ZNF460: variants seen among roughly 807,000 people sequenced by gnomAD.
ZNF460 encodes the protein zinc finger protein 272.
ZNF460 carries 1 observed loss-of-function variant against 8.4 expected under a neutral mutation model. That is an observed-to-expected ratio of 0.12 (90% CI 0.04 to 0.56). The LOEUF (loss-of-function observed/expected upper bound fraction) is 0.56. Ranked by LOEUF, ZNF460 falls within the 20% of genes least tolerant of loss-of-function variation. The pLI is 0.91. For synonymous variants in ZNF460, 262 were observed against 259.9 expected, an observed-to-expected ratio of 1.01 and a Z score of -0.08; for missense variants, 477 against 714.8, an observed-to-expected ratio of 0.67 and a Z score of 3.79.
chr19:57,290,670 A>C (rs761949304), intron 2 of ZNF460, 29 bp from the exon 3 acceptor site: 4 of 1,576,136 alleles, frequency 2.5e-6, no homozygotes, highest in Non-Finnish European at 3.4e-6. Flanking sequence ...TATCTTAATA[A>C]GTTCTTTTGT....
In ZNF460 at chr19:57,293,953, T is replaced by C. The variant is rs1307786319; in HGVS notation, c.*1723T>C. On this transcript the variant is annotated 3_prime_UTR_variant, in exon 3 of 3. Coordinates refer to ENST00000360338, the MANE Select transcript of ZNF460 (RefSeq NM_006635.4). ...TTTTTCATGGCTGAGTAGTATTCCA[T>C]TGTGTATATATGCCATGTTTTCTTT... is the stretch of plus-strand genomic sequence containing the variant. 2 of 152,222 alleles carry C rather than the reference T, an allele frequency of 1.3e-5. No individual in the cohort carries two copies. The highest frequency in any genetic ancestry group is 2.4e-5 in the African/African-American group (1 of 41,460). The allele number at this position is 152,222 out of a possible 1,614,324, so 9.4% of individuals were successfully genotyped here. A position where few individuals can be genotyped will look rare whatever the true frequency, so the allele number is the denominator to read the frequency against.
chr19:57,283,118 C>A (rs1044325679), intron 1 of ZNF460, among the ~76,000 whole-genome samples: 7 of 150,934 alleles, frequency 4.6e-5, no homozygotes, highest in Non-Finnish European at 1.5e-5. Flanking sequence ...AATTCAGATG[C>A]TGTGGCCTTT....
chr19:57,290,910 C>A lies in ZNF460; in HGVS notation c.369C>A (p.Ser123Arg). The change falls in exon 3 of 3, where the codon AGC becomes AGA. Residue 123 changes from serine to arginine, a missense_variant. By Grantham distance (110) the Ser-to-Arg change is moderately radical. Transcript: ENST00000360338. Reference sequence around the variant, plus strand: ...GTGAGAAACTCCATGGGAAAATGAGCCTTGAACACGAAGGTTTGGCGACAG... The same window carrying A: ...GTGAGAAACTCCATGGGAAAATGAGACTTGAACACGAAGGTTTGGCGACAG... ...PQSEKLHGKM[S>R]LEHEGLATAD... 1 of 1,614,154 alleles carries A rather than the reference C, an allele frequency of 6.2e-7. No homozygotes were observed. The highest frequency in any genetic ancestry group is 8.5e-7 in the Non-Finnish European group (1 of 1,180,036).
chr19:57,288,640 A>G (rs148098089), intron 2 of ZNF460, among the ~76,000 whole-genome samples: 97 of 152,276 alleles, frequency 6.4e-4, no homozygotes, highest in Middle Eastern at 6.8e-3. Context: ...TTGAACTGAG[A>G]TGTTCTGACT....
chr19:57,283,604 C>T lies in ZNF460; in HGVS notation c.31-947C>T, dbSNP rs147242487. Among the ~76,000 whole-genome samples the T allele has an allele frequency of 2.4e-4, 33 of 139,400 alleles. No homozygotes were observed. In the East Asian group the frequency reaches 7.1e-3, roughly 30 times the overall value. 91.5% of individuals were successfully genotyped at this position (139,400 alleles called of 152,430 possible). A position where few individuals can be genotyped will look rare whatever the true frequency, so the allele number is the denominator to read the frequency against. The stretch of plus-strand genomic sequence containing the variant: ...GCAACCTCTGCCTCCCAGGTTCAAG[C>T]GATTCTCCTGCCTCAGCCTCCCTAG... On this transcript the variant is annotated intron_variant, in intron 1 of 2. Transcript: ENST00000360338.
Position 57,290,917 on chromosome 19 carries a change from C to T in ZNF460, c.376C>T (p.His126Tyr). Residue 126 changes from histidine (H) to tyrosine (Y), a missense_variant, in exon 3 of 3, where the codon CAC becomes TAC. By Grantham distance (83) the His-to-Tyr change is moderately conservative. Transcript: ENST00000360338. The stretch of plus-strand genomic sequence containing the variant: ...ACTCCATGGGAAAATGAGCCTTGAA[C>T]ACGAAGGTTTGGCGACAGCTGATGG... ...EKLHGKMSLEHEGLATADGIC... is the reference protein window; with the variant it reads ...EKLHGKMSLEYEGLATADGIC... 1 of 1,614,200 alleles carries T rather than the reference C, an allele frequency of 6.2e-7. No homozygotes were observed. Among genetic ancestry groups the T allele is most frequent in the Non-Finnish European group, 8.5e-7 (1 of 1,180,042 alleles).
rs1600019632 is a variant in ZNF460, at chr19:57,280,851, T to A, written c.30+15T>A. The stretch of plus-strand genomic sequence containing the variant: ...CTCCGGCGCAGGTGAGTGGACGAGG[T>A]TTCGGCCTTGCTGCTGCTGTGCTAT... On this transcript the variant is annotated intron_variant, in intron 1 of 2. Transcript: ENST00000360338. 26 of 1,614,008 alleles carry A rather than the reference T, an allele frequency of 1.6e-5. No individual in the cohort carries two copies. Among genetic ancestry groups the A allele is most frequent in the Non-Finnish European group, 2.2e-5 (26 of 1,179,976 alleles).
chr19:57,284,811 CT>C, intron 2 of ZNF460, 134 bp downstream of exon 2: 5 of 805,774 alleles, frequency 6.2e-6, no homozygotes, highest in Non-Finnish European at 8.3e-6. Flanking sequence ...AAGCTTTACT[CT>C]ATTTTTTTTT....
chr19:57,286,297 G>A (rs558713018), intron 2 of ZNF460, among the ~76,000 whole-genome samples: 237 of 152,174 alleles, frequency 1.6e-3, no homozygotes, highest in Admixed American at 2.9e-3. Flanking sequence ...TATATCTACT[G>A]TGGTGGTCTG....
In ZNF460 at chr19:57,290,722, G is replaced by A. The variant is rs779449004; in HGVS notation, c.181G>A (p.Val61Ile). ...AGGTGACAGCACAAAACCTGAGACC[G>A]TAGAGCCTATCCCTTCTCATCTGGC... ...ALGDSTKPET[V>I]EPIPSHLALP... is the part of the protein sequence containing the mutation. Residue 61 changes from valine to isoleucine, a missense_variant, in exon 3 of 3, where the codon GTA (valine) becomes ATA (isoleucine). Around this residue, in one of 5 missense-constraint regions of ZNF460, gnomAD observed 169 missense variants for 178.6 expected, o/e 0.95. Transcript: ENST00000360338. 2.2e-5 allele frequency: 35 copies of A among 1,613,756 alleles called. No homozygotes were observed. Among genetic ancestry groups the A allele is most frequent in the African/African-American group, 1.9e-4 (14 of 74,910 alleles).
chr19:57,281,708 GGTGT>G (rs2087841485), intron 1 of ZNF460, among the ~76,000 whole-genome samples: 1 of 151,908 alleles, frequency 6.6e-6, no homozygotes. Flanking sequence ...TGGGACTACA[GGTGT>G]GCGCCACCAC....
Position 57,291,498 on chromosome 19 carries a change from G to A in ZNF460, c.957G>A (p.Glu319=), listed in dbSNP as rs1489340636. 9.9e-6 allele frequency: 16 copies of A among 1,613,806 alleles called. No homozygotes were observed. Among genetic ancestry groups the A allele is most frequent in the Non-Finnish European group, 1.0e-5 (12 of 1,179,924 alleles). ...ACSECGKGFY[E]STALIQHFII... ...GCGAATGTGGAAAAGGCTTTTATGA[G>A]AGTACAGCCCTCATTCAACACTTCA... The change falls in exon 3 of 3, where the codon GAG becomes GAA. Residue 319 remains glutamate (E), a synonymous_variant. Coordinates refer to ENST00000360338, the MANE Select transcript of ZNF460 (RefSeq NM_006635.4). The surrounding 1 kb of genome is among the most constrained non-coding windows in gnomAD (Gnocchi z 8.4).
chr19:57,280,757 C>T lies in ZNF460; in HGVS notation c.-50C>T, dbSNP rs771623210. ...GTGCGAAAGTCAGCCGAGGTCGCCC[C>T]GCCCAGGACAGAGAAGGGCTGTGGT... is the stretch of plus-strand genomic sequence containing the variant. On this transcript the variant is annotated 5_prime_UTR_variant, in exon 1 of 3. Transcript: ENST00000360338. The T allele has an allele frequency of 6.8e-6, 11 of 1,610,980 alleles. No individual in the cohort carries two copies. Among genetic ancestry groups the T allele is most frequent in the South Asian group, 3.3e-5 (3 of 90,726 alleles).
intron 2 of ZNF460, among the ~76,000 whole-genome samples, chr19:57,285,992 CTTAA>C (rs2122888032): frequency 6.6e-6 from 1 of 152,296 alleles, no homozygotes; most frequent in African/African-American, 2.4e-5. Context: ...TCCTCTGTGC[CTTAA>C]TTTTCTTTTT....
chr19:57,293,362 G>A lies in ZNF460; in HGVS notation c.*1132G>A, dbSNP rs548281230. On this transcript the variant is annotated 3_prime_UTR_variant, in exon 3 of 3. Transcript: ENST00000360338. ...AAGGCTGACTATACATAAAGTGACTGGAATTTTAACAGGTGAACCTGCATA... is the reference window on the plus strand; with the variant it reads ...AAGGCTGACTATACATAAAGTGACTAGAATTTTAACAGGTGAACCTGCATA... 6.6e-6 allele frequency: 1 copy of A among 152,264 alleles called. No homozygotes were observed. The highest frequency in any genetic ancestry group is 2.1e-4 in the South Asian group (1 of 4,828). 9.4% of individuals were successfully genotyped at this position (152,264 alleles called of 1,614,324 possible). A position where few individuals can be genotyped will look rare whatever the true frequency, so the allele number is the denominator to read the frequency against.
intron 2 of ZNF460, among the ~76,000 whole-genome samples, chr19:57,286,912 C>T (rs769940294): frequency 6.7e-6 from 1 of 149,586 alleles, no homozygotes; most frequent in Non-Finnish European, 1.5e-5. Context: ...TGCAGTGAGC[C>T]GAGATCGTGC....
rs1463028424 is a variant in ZNF460, at chr19:57,284,583, A to G, written c.63A>G (p.Thr21=). ...TGACCTTCGAGGATGTGGCTGTGAC[A>G]TTTACCCAGGAGGAGTGGGGGCAGT... is the stretch of plus-strand genomic sequence containing the variant. ...ESVTFEDVAV[T]FTQEEWGQLD... is the part of the protein sequence containing the mutation. Residue 21 remains threonine, a synonymous_variant, in exon 2 of 3, where the codon ACA becomes ACG. Coordinates refer to ENST00000360338, the MANE Select transcript of ZNF460 (RefSeq NM_006635.4). 2 of 1,613,124 alleles carry G rather than the reference A, an allele frequency of 1.2e-6. No homozygotes were observed. Among genetic ancestry groups the G allele is most frequent in the Admixed American group, 3.3e-5 (2 of 59,860 alleles).
rs1337992455 is a variant in ZNF460, at chr19:57,291,321, C to T, written c.780C>T (p.Thr260=). Residue 260 remains threonine, a synonymous_variant, in exon 3 of 3, where the codon ACC becomes ACT. Transcript: ENST00000360338. The surrounding 1 kb of genome is among the most constrained non-coding windows in gnomAD (Gnocchi z 8.4). ...TTGTGTGCAGTGAATGTGGAAGGAC[C>T]TTCAATCGCGGGTCGCACCTTACAC... The part of the protein sequence containing the change: ...KPFVCSECGR[T]FNRGSHLTRH... 1 of 1,613,928 alleles carries T rather than the reference C, an allele frequency of 6.2e-7. No individual in the cohort carries two copies. The highest frequency in any genetic ancestry group is 1.1e-5 in the South Asian group (1 of 91,072).
At position 57,292,134 on chromosome 19, in the gene ZNF460, A is replaced by G. The variant is rs1296084876; in HGVS notation, c.1593A>G (p.Pro531=). ...CCATCATCCACACTGAGAGTAGCCC[A>G]GTGAGTGCAGTGAATATGGAAACGC... ...QHSIIHTESS[P]VSAVNMETPS... The change falls in exon 3 of 3, where the codon CCA becomes CCG. Residue 531 remains proline, a synonymous_variant. Transcript: ENST00000360338. 6.2e-7 allele frequency: 1 copy of G among 1,614,206 alleles called. No homozygotes were observed. The highest frequency in any genetic ancestry group is 8.5e-7 in the Non-Finnish European group (1 of 1,180,040).
Sources: allele counts gnomAD v4.1 joint callset (sites outside exome capture counted in the v4.1 genomes callset), GRCh38; gene constraint gnomAD v4.1.1; regional missense constraint gnomAD v4.1.1; non-coding constraint Gnocchi (gnomAD v3.1); transcripts MANE v1.5; gene names NCBI Gene and HGNC (gene_info 2026-07-23, HGNC 2026-07-21).